Variants in GNB1 observed in about 807,000 individuals in gnomAD.
The protein encoded by GNB1 is G protein subunit beta 1, also known as guanine nucleotide-binding protein G(I)/G(S)/G(T) subunit beta-1.
Under a neutral mutation model 42.9 loss-of-function variants are expected in GNB1, and 2 were observed. That is an observed-to-expected ratio of 0.05 (90% CI 0.02 to 0.15). GNB1 has a LOEUF of 0.15. Among genes scored for constraint, GNB1 ranks in the 10% least tolerant of loss-of-function variants. The pLI is 1.00. For synonymous variants in GNB1, 183 were observed against 174.7 expected (o/e 1.05, Z -0.38); for missense variants, 193 against 462.2 (o/e 0.42, Z 5.34).
At chr1:1,838,019 A>G (rs1379987331) in intron 2 of GNB1, among the ~76,000 whole-genome samples, 5 of 149,362 alleles carry the variant, frequency 3.3e-5, no homozygotes, top group African/African-American at 9.8e-5. Context: ...CCTGACCAAC[A>G]TGGTGAAACC....
intron 1 of GNB1, among the ~76,000 whole-genome samples, chr1:1,880,786 G>C (rs771883663): frequency 6.6e-6 from 1 of 152,030 alleles, no homozygotes. Context: ...CTATCTTCCA[G>C]AGCTCCCCAC....
chr1:1,793,551 G>C lies in GNB1; in HGVS notation c.431-240C>G, dbSNP rs1252625952. On this transcript the variant is annotated intron_variant, in intron 7 of 11. Transcript: ENST00000378609. ...CACAGAGACCCACAGCTCCGTGATG[G>C]GGGCAGAAGCAGAAACCACACCCAT... 1.1e-5 allele frequency: 4 copies of C among 371,796 alleles called. 1 individual carries two copies. The highest frequency in any genetic ancestry group is 6.1e-5 in the African/African-American group (3 of 48,928). The allele number at this position is 371,796 out of a possible 1,614,324, so 23.0% of individuals were successfully genotyped here.
At chr1:1,811,557 G>T (rs1481315027) in intron 5 of GNB1, among the ~76,000 whole-genome samples, 3 of 151,680 alleles carry the variant, frequency 2.0e-5, no homozygotes, top group Non-Finnish European at 2.9e-5. Flanking sequence ...TTAGCCGGGC[G>T]TGGTGGCGGG....
intron 5 of GNB1, among the ~76,000 whole-genome samples, chr1:1,814,893 G>A (rs1366099591): frequency 1.3e-5 from 2 of 151,324 alleles, no homozygotes; most frequent in South Asian, 2.1e-4. Flanking sequence ...CGGGTGGATC[G>A]TGAAGTCAGG....
At chr1:1,793,394 G>A (rs751727556) in intron 7 of GNB1, 83 bp from the exon 8 acceptor site, 37 of 862,234 alleles carry the variant, frequency 4.3e-5, no homozygotes, top group African/African-American at 1.5e-4. Flanking sequence ...ACATTGGCCC[G>A]GTGGAAGCTC....
chr1:1,800,918 C>T (rs1489201160), intron 7 of GNB1, among the ~76,000 whole-genome samples: 4 of 152,260 alleles, frequency 2.6e-5, no homozygotes, highest in Admixed American at 1.3e-4. Flanking sequence ...TTAACCATGA[C>T]TTGTTCCGGG....
chr1:1,885,888 C>G (rs1489401893), intron 1 of GNB1, among the ~76,000 whole-genome samples: 2 of 147,678 alleles, frequency 1.4e-5, no homozygotes, highest in African/African-American at 5.3e-5. Context: ...AAAAAGCAAG[C>G]AAGCAACATT....
At chr1:1,877,824 G>T (rs1226300454) in intron 1 of GNB1, among the ~76,000 whole-genome samples, 1 of 152,206 alleles carries the variant, frequency 6.6e-6, no homozygotes, top group Non-Finnish European at 1.5e-5. Context: ...AGAATAGATA[G>T]CAAGATTAAC....
At chr1:1,840,882 G>C (rs533837529) in intron 1 of GNB1, among the ~76,000 whole-genome samples, 1 of 152,134 alleles carries the variant, frequency 6.6e-6, no homozygotes, top group African/African-American at 2.4e-5. Flanking sequence ...TCTGATTTCA[G>C]AACATTTATT....
chr1:1,870,881 A>G (rs1649210643), intron 1 of GNB1, among the ~76,000 whole-genome samples: 2 of 151,970 alleles, frequency 1.3e-5, no homozygotes, highest in Non-Finnish European at 2.9e-5. Context: ...GAGTGAGCCA[A>G]GATTTCACCA....
In GNB1 at chr1:1,790,043, G is replaced by A. The variant is rs976728941; in HGVS notation, c.699+352C>T. Among the ~76,000 whole-genome samples, 3 of 152,168 alleles carry A rather than the reference G, an allele frequency of 2.0e-5. No individual in the cohort carries two copies. Among genetic ancestry groups the A allele is most frequent in the Admixed American group, 6.5e-5 (1 of 15,272 alleles). ...CTGGAAACACTGCCTAGCCATCCGC[G>A]TGCTAAAGAGGAGGGCAGGTTCCCT... On this transcript the variant is annotated intron_variant, in intron 9 of 11. Transcript: ENST00000378609. This position sits in a 1 kb window ranked among gnomAD's most constrained non-coding sequence, Gnocchi z 5.4.
intron 5 of GNB1, among the ~76,000 whole-genome samples, chr1:1,807,480 AAAAAAAAAAAAAAC>A (rs1557892211): frequency 1.3e-5 from 2 of 149,204 alleles, no homozygotes; most frequent in African/African-American, 4.9e-5. Context: ...AAAAAAAAAA[AAAAAAAAAAAAAAC>A]AAACAGAAAG....
chr1:1,850,947 A>T (rs1271736316), intron 1 of GNB1, among the ~76,000 whole-genome samples: 1 of 152,184 alleles, frequency 6.6e-6, no homozygotes, highest in Non-Finnish European at 1.5e-5. Context: ...GCTGCCTTCA[A>T]CTTCGTGGCA....
At chr1:1,852,964 A>G (rs1468270777) in intron 1 of GNB1, among the ~76,000 whole-genome samples, 3 of 152,152 alleles carry the variant, frequency 2.0e-5, no homozygotes, top group Non-Finnish European at 4.4e-5. Flanking sequence ...TACGCACTGC[A>G]GCGCTCTGAG....
intron 1 of GNB1, among the ~76,000 whole-genome samples, chr1:1,889,992 G>T (rs761093808): frequency 6.6e-6 from 1 of 151,968 alleles, no homozygotes; most frequent in Non-Finnish European, 1.5e-5. Flanking sequence ...TCGCAAACCG[G>T]GCCCCGAAAC....
At chr1:1,871,383 G>A (rs949923686) in intron 1 of GNB1, among the ~76,000 whole-genome samples, 1 of 151,918 alleles carries the variant, frequency 6.6e-6, no homozygotes, top group Non-Finnish European at 1.5e-5. Context: ...TTGCTTGAAC[G>A]TAGGAGGCGG....
chr1:1,853,756 G>A (rs1225286730), intron 1 of GNB1, among the ~76,000 whole-genome samples: 1 of 152,126 alleles, frequency 6.6e-6, no homozygotes, highest in East Asian at 1.9e-4. Context: ...CTCAGCTAAT[G>A]TCTAGGTTTG....
At chr1:1,831,332 G>A (rs1208994481) in intron 2 of GNB1, among the ~76,000 whole-genome samples, 1 of 152,190 alleles carries the variant, frequency 6.6e-6, no homozygotes, top group Non-Finnish European at 1.5e-5. Flanking sequence ...GCAAGATCCT[G>A]TCTCTAAATA....
At chr1:1,803,580 C>A (rs1487020884) in intron 7 of GNB1, among the ~76,000 whole-genome samples, 1 of 152,190 alleles carries the variant, frequency 6.6e-6, no homozygotes, top group African/African-American at 2.4e-5. Context: ...CCATGTCCAG[C>A]GCAAATCCAC....
Sources: allele counts gnomAD v4.1 joint callset (sites outside exome capture counted in the v4.1 genomes callset), GRCh38; gene constraint gnomAD v4.1.1; non-coding constraint Gnocchi (gnomAD v3.1); transcripts MANE v1.5; gene names NCBI Gene and HGNC (gene_info 2026-07-23, HGNC 2026-07-21).